Variants in EDIL3 observed in about 807,000 individuals in gnomAD.
EDIL3 encodes EGF-like repeat and discoidin I-like domain-containing protein 3.
EDIL3 carries 37 observed loss-of-function variants against 67.4 expected under a neutral mutation model. The ratio of observed to expected loss-of-function variants is 0.55; its 90% CI spans 0.42 to 0.72. The LOEUF (loss-of-function observed/expected upper bound fraction) is 0.72. Ranked by LOEUF, EDIL3 falls within the 30% of genes least tolerant of loss-of-function variation. The pLI is 0.00. For synonymous variants in EDIL3, 195 were observed against 196.3 expected (o/e 0.99, Z 0.05); for missense variants, 527 against 586.3 (o/e 0.90, Z 1.04).
intron 6 of EDIL3, among the ~76,000 whole-genome samples, chr5:84,097,607 T>C (rs900460332): frequency 1.7e-4 from 26 of 152,272 alleles, no homozygotes; most frequent in African/African-American, 5.5e-4. Flanking sequence ...AAGTAGGTGT[T>C]ATCTTTTCTC....
At chr5:84,111,268 C>A (rs1747560271) in intron 5 of EDIL3, among the ~76,000 whole-genome samples, 1 of 152,124 alleles carries the variant, frequency 6.6e-6, no homozygotes, top group Admixed American at 6.5e-5. Context: ...TTCTTTATAA[C>A]AATGTGTGAA....
intron 1 of EDIL3, among the ~76,000 whole-genome samples, chr5:84,270,276 G>T (rs1745441335): frequency 6.6e-6 from 1 of 152,164 alleles, no homozygotes; most frequent in Non-Finnish European, 1.5e-5. Context: ...ACAAAGGTTA[G>T]TGAGTATCAT....
intron 5 of EDIL3, among the ~76,000 whole-genome samples, chr5:84,133,007 T>C (rs887349982): frequency 7.9e-5 from 12 of 152,112 alleles, no homozygotes; most frequent in Non-Finnish European, 1.5e-5. Flanking sequence ...TTTCCCAAAG[T>C]AGTGCCAGTG....
intron 1 of EDIL3, among the ~76,000 whole-genome samples, chr5:84,287,792 C>A (rs1292169825): frequency 1.3e-5 from 2 of 152,092 alleles, no homozygotes; most frequent in Non-Finnish European, 2.9e-5. Flanking sequence ...TTCCAATACA[C>A]ATTTTCTTTG....
At chr5:84,326,625 G>A (rs972863440) in intron 1 of EDIL3, among the ~76,000 whole-genome samples, 17 of 151,800 alleles carry the variant, frequency 1.1e-4, no homozygotes, top group Admixed American at 1.1e-3. Flanking sequence ...TTGATCATCT[G>A]TATTTTCTCT....
At chr5:84,164,639 T>A (rs182022502) in intron 4 of EDIL3, among the ~76,000 whole-genome samples, 82 of 152,166 alleles carry the variant, frequency 5.4e-4, no homozygotes, top group African/African-American at 2.0e-3. Flanking sequence ...CATAAACAAG[T>A]GTTTAGTGTG....
intron 5 of EDIL3, among the ~76,000 whole-genome samples, chr5:84,124,767 A>G (rs1747837001): frequency 6.6e-6 from 1 of 151,986 alleles, no homozygotes; most frequent in Non-Finnish European, 1.5e-5. Flanking sequence ...GAACTTTTGT[A>G]GTGTTTTGCA....
intron 1 of EDIL3, among the ~76,000 whole-genome samples, chr5:84,358,487 A>AT (rs1281696475): frequency 1.3e-5 from 2 of 150,952 alleles, no homozygotes; most frequent in Non-Finnish European, 3.0e-5. Flanking sequence ...TTTTGGAAGG[A>AT]GTAAAACATC....
At chr5:84,211,059 T>C (rs1744107943) in intron 3 of EDIL3, among the ~76,000 whole-genome samples, 1 of 152,192 alleles carries the variant, frequency 6.6e-6, no homozygotes, top group African/African-American at 2.4e-5. Context: ...TATTACATTA[T>C]TTGAAAAAGT....
intron 9 of EDIL3, among the ~76,000 whole-genome samples, chr5:84,023,748 T>C (rs918488361): frequency 5.3e-5 from 8 of 152,152 alleles, no homozygotes; most frequent in Admixed American, 2.0e-4. Context: ...ATTAGTCTTA[T>C]TAGACTTTTC....
intron 4 of EDIL3, among the ~76,000 whole-genome samples, chr5:84,160,784 CCTTTCCTTTCCTTTCCTTTCCTTT>C (rs1748594083): frequency 1.8e-5 from 1 of 56,854 alleles, no homozygotes; most frequent in Admixed American, 2.3e-4. Flanking sequence ...CCTTTCCTTT[CCTTTCCTTTCCTTTCCTTTCCTTT>C]CCTTTCCTTT....
At chr5:84,343,912 A>C (rs1747181023) in intron 1 of EDIL3, among the ~76,000 whole-genome samples, 1 of 152,136 alleles carries the variant, frequency 6.6e-6, no homozygotes, top group South Asian at 2.1e-4. Context: ...TAAAAACTCC[A>C]AGGCTCAGGT....
At chr5:84,374,775 T>G (rs758921817) in intron 1 of EDIL3, among the ~76,000 whole-genome samples, 3 of 152,156 alleles carry the variant, frequency 2.0e-5, no homozygotes, top group Non-Finnish European at 4.4e-5. Flanking sequence ...TCTCAGGAGA[T>G]TAGATGGTTT....
chr5:84,122,356 GTATCTTTTTATTA>G lies in EDIL3; in HGVS notation c.469+14872_469+14884del, dbSNP rs375590828. 2.2e-4 allele frequency among the ~76,000 whole-genome samples: 34 copies of G among 151,992 alleles called. No homozygotes were observed. The East Asian group carries it at 6.2e-3, about 28-fold the overall frequency. On this transcript the variant is annotated intron_variant, in intron 5 of 10. Coordinates refer to ENST00000296591, the MANE Select transcript of EDIL3 (RefSeq NM_005711.5). ...TGGCCTTAAAACAACCCCATGGAGA[GTATCTTTTTATTA>G]TTATTATTATACTTTAAGTTCTAGG...
intron 9 of EDIL3, among the ~76,000 whole-genome samples, chr5:83,984,117 C>T (rs866313828): frequency 2.0e-5 from 3 of 151,840 alleles, no homozygotes; most frequent in Admixed American, 6.6e-5. Flanking sequence ...TCTTGGGAAA[C>T]AGGAAGTTAA....
intron 6 of EDIL3, among the ~76,000 whole-genome samples, chr5:84,104,446 T>C (rs1747422639): frequency 6.6e-6 from 1 of 151,628 alleles, no homozygotes; most frequent in Non-Finnish European, 1.5e-5. Flanking sequence ...TAAAAATATA[T>C]TATTAAAGAA....
chr5:84,331,346 C>T (rs1746867080), intron 1 of EDIL3, among the ~76,000 whole-genome samples: 1 of 152,086 alleles, frequency 6.6e-6, no homozygotes, highest in Non-Finnish European at 1.5e-5. Flanking sequence ...GTGTTCCACC[C>T]GAATTTCATC....
intron 1 of EDIL3, among the ~76,000 whole-genome samples, chr5:84,342,408 C>A (rs1345123258): frequency 6.6e-6 from 1 of 151,850 alleles, no homozygotes; most frequent in Non-Finnish European, 1.5e-5. Context: ...ACAATGGAGA[C>A]TCAGAAAGGT....
chr5:84,357,607 G>A (rs919222887), intron 1 of EDIL3, among the ~76,000 whole-genome samples: 1 of 151,924 alleles, frequency 6.6e-6, no homozygotes, highest in Non-Finnish European at 1.5e-5. Flanking sequence ...TGCAAGCGAG[G>A]GCTGGGTGCA....
Sources: allele counts gnomAD v4.1 joint callset (sites outside exome capture counted in the v4.1 genomes callset), GRCh38; gene constraint gnomAD v4.1.1; transcripts MANE v1.5; gene names NCBI Gene and HGNC (gene_info 2026-07-23, HGNC 2026-07-21).